Variants in HECTD3 observed in about 807,000 individuals in gnomAD.
The protein encoded by HECTD3 is E3 ubiquitin-protein ligase HECTD3.
Under a neutral mutation model 109.3 loss-of-function variants are expected in HECTD3, and 72 were observed. The ratio of observed to expected loss-of-function variants is 0.66; its 90% confidence interval spans 0.54 to 0.80. HECTD3 has a LOEUF of 0.80. Among genes scored for constraint, HECTD3 ranks in the 30% least tolerant of loss-of-function variants. HECTD3 has a pLI of 0.00. For missense variants in HECTD3, 1,041 were observed against 1,165.2 expected (o/e 0.89, Z 1.55); for synonymous variants, 481 against 471.8 (o/e 1.02, Z -0.25).
At position 45,006,027 on chromosome 1, in the gene HECTD3, C is replaced by T. The variant is rs770953716; in HGVS notation, c.1815G>A (p.Met605Ile). 6 of 1,614,180 alleles carry T rather than the reference C, an allele frequency of 3.7e-6. No individual in the cohort carries two copies. The highest frequency in any genetic ancestry group is 5.1e-6 in the Non-Finnish European group (6 of 1,180,020). ...ACTCCTTACCCCGAAGGGCAGCCCC[C>T]ATCAGCTGTCCGATCCATTCATACT... is the stretch of plus-strand genomic sequence containing the variant. ...FAKYEWIGQL[M>I]GAALRGKEFL... Residue 605 changes from methionine to isoleucine, a missense_variant, in exon 14 of 21, where the codon ATG becomes ATA. Met to Ile is a conservative substitution (Grantham distance 10). Coordinates refer to ENST00000372172, the MANE Select transcript of HECTD3 (RefSeq NM_024602.6). This position sits in a 1 kb window ranked among gnomAD's most constrained non-coding sequence, Gnocchi z 4.7.
rs202184262 is a variant in HECTD3 at position 45,009,989 on chromosome 1, G to A, written c.756C>T (p.Tyr252=). 4.6e-5 allele frequency: 71 copies of A among 1,531,310 alleles called. No homozygotes were observed. The highest frequency in any genetic ancestry group is 6.2e-5 in the Non-Finnish European group (71 of 1,136,822). The allele number at this position is 1,531,310 out of a possible 1,614,324, so 94.9% of individuals were successfully genotyped here. ...QYVESIDVSS[Y]TEEFNVSCLT... ...TGGGAGGAGCCCCAGCACCCACCGT[G>A]TAGGAGGAAACGTCTATGCTCTCCA... Residue 252 remains tyrosine, a synonymous_variant, in exon 4 of 21, where the codon TAC becomes TAT. Coordinates refer to ENST00000372172, the MANE Select transcript of HECTD3 (RefSeq NM_024602.6).
Position 45,004,043 on chromosome 1 carries a change from T to G in HECTD3, c.2347+17A>C, listed in dbSNP as rs775454987. On this transcript the variant is annotated intron_variant, in intron 18 of 20. Transcript: ENST00000372172. ...CAGAGTCCAAACCCAGGTGTCACCC[T>G]GCCCTCCTCCACTGACCGTTGGTGA... The G allele has an allele frequency of 6.2e-7, 1 of 1,614,004 alleles. No individual in the cohort carries two copies. The highest frequency in any genetic ancestry group is 1.1e-5 in the South Asian group (1 of 91,084).
chr1:45,007,733 CCCT>C, intron 9 of HECTD3, 138 bp from the exon 10 acceptor site: 1 of 712,332 alleles, frequency 1.4e-6, no homozygotes, highest in Non-Finnish European at 2.3e-6. Context: ...GTCTCCAGTC[CCCT>C]CCTTAGTTCA....
At chr1:45,009,707 G>A (rs749137287) in intron 4 of HECTD3, 24 bp from the exon 5 acceptor site, 36 of 1,552,380 alleles carry the variant, frequency 2.3e-5, no homozygotes, top group Non-Finnish European at 2.9e-5. Context: ...GAGACGTGAA[G>A]TCAGCAGTTA....
At chr1:45,005,521 G>A (rs934724899) in intron 15 of HECTD3, 20 of 347,466 alleles carry the variant, frequency 5.8e-5, no homozygotes, top group Non-Finnish European at 7.8e-5. Context: ...AGTAGTCTTC[G>A]GAGAAGATAA....
rs1207557274 is a variant in HECTD3, at chr1:45,004,624, T to G, written c.2118A>C (p.Ala706=). The G allele has an allele frequency of 2.2e-5, 35 of 1,614,052 alleles. No individual in the cohort carries two copies. The highest frequency in any genetic ancestry group is 2.9e-5 in the Non-Finnish European group (34 of 1,180,036). The change falls in exon 16 of 21, where the codon GCA becomes GCC. Residue 706 remains alanine, a synonymous_variant. Coordinates refer to ENST00000372172, the MANE Select transcript of HECTD3 (RefSeq NM_024602.6). ...RSRFIQLVQK[A]RLEESKEQVA... ...CCTGCTCCTTGCTCTCCTCTAGCCG[T>G]GCCTTCTGGACCAGTTGGATGAAAC...
intron 17 of HECTD3, 56 bp from the exon 18 acceptor site, chr1:45,004,190 G>A: frequency 6.2e-7 from 1 of 1,614,100 alleles, no homozygotes; most frequent in South Asian, 1.1e-5. Context: ...CAGTCCTTGA[G>A]CCCCAACCCC....
chr1:45,008,194 G>A, intron 9 of HECTD3, 46 bp downstream of exon 9: 2 of 1,438,982 alleles, frequency 1.4e-6, no homozygotes, highest in Non-Finnish European at 2.0e-6. Flanking sequence ...AACTACGTGA[G>A]CAGGAAGGGG....
chr1:45,004,260 G>A lies in HECTD3; in HGVS notation c.2260C>T (p.Leu754=). ...CGDPEVTVDA[L]RKLTRFEDFE... ...TTGGGGAACTCACTGAGCTTGCGCA[G>A]AGCATCCACAGTGACCTCTGGATCC... The change falls in exon 17 of 21, where the codon CTG becomes TTG. Residue 754 remains leucine (L), a synonymous_variant. Transcript: ENST00000372172. The A allele has an allele frequency of 6.2e-7, 1 of 1,614,004 alleles. No individual in the cohort carries two copies. The highest frequency in any genetic ancestry group is 2.2e-5 in the East Asian group (1 of 44,884).
At chr1:45,008,485 G>C in intron 8 of HECTD3, 51 bp downstream of exon 8, 1 of 1,587,692 alleles carries the variant, frequency 6.3e-7, no homozygotes, top group Non-Finnish European at 8.6e-7. Flanking sequence ...AGACACACAA[G>C]GCTCAATGTT....
At chr1:45,007,113 G>T in intron 11 of HECTD3, 98 bp from the exon 12 acceptor site, 2 of 1,541,796 alleles carry the variant, frequency 1.3e-6, no homozygotes, top group Non-Finnish European at 8.9e-7. Flanking sequence ...ATGGCGAGGG[G>T]TGCCTCGAGC....
At position 45,006,601 on chromosome 1, in the gene HECTD3, C is replaced by T; in HGVS notation, c.1725+91G>A. On this transcript the variant is annotated intron_variant, in intron 13 of 20. Transcript: ENST00000372172. The surrounding 1 kb of genome is among the most constrained non-coding windows in gnomAD (Gnocchi z 4.7). Reference sequence around the variant, plus strand: ...ACAGGCGTGAGCCACTGTGCCTGCCCCCTTTCTAGCTCAATCTGGCCCCCT... The same window carrying T: ...ACAGGCGTGAGCCACTGTGCCTGCCTCCTTTCTAGCTCAATCTGGCCCCCT... 1.8e-6 allele frequency: 2 copies of T among 1,103,898 alleles called. No homozygotes were observed. The highest frequency in any genetic ancestry group is 2.2e-5 in the Admixed American group (1 of 44,458). The allele number at this position is 1,103,898 out of a possible 1,614,324, so 68.4% of individuals were successfully genotyped here. A position where few individuals can be genotyped will look rare whatever the true frequency, so the allele number is the denominator to read the frequency against.
At chr1:45,005,553 G>GC (rs1644728147) in intron 15 of HECTD3, 1 of 405,072 alleles carries the variant, frequency 2.5e-6, no homozygotes, top group East Asian at 3.7e-5. Flanking sequence ...AGCCTGAGAT[G>GC]CCATCTTGGG....
At chr1:45,008,130 C>T in intron 9 of HECTD3, 110 bp downstream of exon 9, 3 of 803,606 alleles carry the variant, frequency 3.7e-6, no homozygotes, top group Non-Finnish European at 6.1e-6. Context: ...GTTCCCAGAC[C>T]CAGCAAAGGT....
At position 45,006,199 on chromosome 1, in the gene HECTD3, T is replaced by A; in HGVS notation, c.1726-83A>T. On this transcript the variant is annotated intron_variant, in intron 13 of 20. Coordinates refer to ENST00000372172, the MANE Select transcript of HECTD3 (RefSeq NM_024602.6). This position sits in a 1 kb window ranked among gnomAD's most constrained non-coding sequence, Gnocchi z 4.7. ...AAAGACTTCCCTGAACATTTTCCAC[T>A]GGGAACATTTTCCACTAAATGATCC... 1 of 1,531,476 alleles carries A rather than the reference T, an allele frequency of 6.5e-7. No homozygotes were observed. The highest frequency in any genetic ancestry group is 8.9e-7 in the Non-Finnish European group (1 of 1,121,226). 94.9% of individuals were successfully genotyped at this position (1,531,476 alleles called of 1,614,324 possible).
chr1:45,008,712 G>C lies in HECTD3; in HGVS notation c.1073-11C>G, dbSNP rs375559309. The C allele has an allele frequency of 1.1e-4, 182 of 1,611,926 alleles. No homozygotes were observed. The highest frequency in any genetic ancestry group is 1.5e-4 in the Non-Finnish European group (174 of 1,179,394). On this transcript the variant is annotated splice_polypyrimidine_tract_variant and intron_variant, in intron 7 of 20. Transcript: ENST00000372172. ...CATCAATCCCATCATCTGGGGGAAG[G>C]GGTCAGAGTAAGGTCATTTACAGCA...
At chr1:45,004,908 C>T in intron 15 of HECTD3, 102 bp from the exon 16 acceptor site, 1 of 1,020,868 alleles carries the variant, frequency 9.8e-7, no homozygotes, top group African/African-American at 1.6e-5. Context: ...CCAGGCAAGG[C>T]AGTCCCCATG....
chr1:45,010,548 G>T lies in HECTD3; in HGVS notation c.528C>A (p.Leu176=), dbSNP rs1414785491. 3.7e-6 allele frequency: 6 copies of T among 1,613,422 alleles called. No homozygotes were observed. The highest frequency in any genetic ancestry group is 5.1e-6 in the Non-Finnish European group (6 of 1,179,986). Residue 176 remains leucine (L), a splice_region_variant and synonymous_variant, in exon 2 of 21, where the codon CTC becomes CTA. Coordinates refer to ENST00000372172, the MANE Select transcript of HECTD3 (RefSeq NM_024602.6). The stretch of plus-strand genomic sequence containing the variant: ...CCCCGCTCCTTCAAGTGCAGTACCT[G>T]AGCACCGGCCGATAATCCACGCCAA... The part of the protein sequence containing the change: ...QLFGVDYRPV[L]RWEQVVDLTY...
In HECTD3 at chr1:45,010,289, C is replaced by G. The variant is rs758921613; in HGVS notation, c.535G>C (p.Glu179Gln). ...GAGTATGTCAGGTCCACCACCTGTT[C>G]CCACCTGTGGGCACAGAGTAGGGAG... Reference protein sequence around the residue: ...GVDYRPVLRWEQVVDLTYSHR... With the variant: ...GVDYRPVLRWQQVVDLTYSHR... Residue 179 changes from glutamate to glutamine, a missense_variant, in exon 3 of 21, where the codon GAA (glutamate) becomes CAA (glutamine). Physicochemically the swap from Glu to Gln is conservative, Grantham distance 29. Transcript: ENST00000372172. 3 of 1,613,864 alleles carry G rather than the reference C, an allele frequency of 1.9e-6. No individual in the cohort carries two copies. Among genetic ancestry groups the G allele is most frequent in the Non-Finnish European group, 2.5e-6 (3 of 1,179,900 alleles).
Sources: gnomAD v4.1 joint callset for allele counts on GRCh38, gnomAD v4.1.1 for gene constraint, Gnocchi (gnomAD v3.1) non-coding constraint, MANE v1.5 for transcripts, NCBI Gene and HGNC (gene_info 2026-07-23, HGNC 2026-07-21) for gene names.